SFTPD: variants seen among roughly 807,000 people sequenced by gnomAD.
SFTPD encodes pulmonary surfactant-associated protein D.
In SFTPD, 18 loss-of-function variants were observed where a neutral mutation model predicts 34.6. That is an observed-to-expected ratio of 0.52 (90% CI 0.36 to 0.77). The LOEUF is 0.77. Ranked by LOEUF, SFTPD falls within the 30% of genes least tolerant of loss-of-function variation. The pLI is 0.00. For missense variants in SFTPD, 433 were observed against 468.9 expected, an observed-to-expected ratio of 0.92 and a Z score of 0.71; for synonymous variants, 155 against 180.9, an observed-to-expected ratio of 0.86 and a Z score of 1.15.
intron 1 of SFTPD, among the ~76,000 whole-genome samples, chr10:79,964,385 T>C (rs900521194): frequency 6.6e-6 from 1 of 152,222 alleles, no homozygotes; most frequent in Non-Finnish European, 1.5e-5. Flanking sequence ...GCAGCACTTA[T>C]ACTGATAAGG....
intron 4 of SFTPD, 115 bp from the exon 5 acceptor site, chr10:79,942,185 G>T (rs1217968973): frequency 1.0e-5 from 8 of 802,336 alleles, no homozygotes; most frequent in Non-Finnish European, 1.6e-5. Context: ...GAAGTGGGGA[G>T]ACTCTCCTTG....
At chr10:79,941,103 C>T (rs1355241331) in intron 6 of SFTPD, among the ~76,000 whole-genome samples, 1 of 152,170 alleles carries the variant, frequency 6.6e-6, no homozygotes, top group Non-Finnish European at 1.5e-5. Context: ...CATGTGTTTC[C>T]TATCCACTGG....
intron 1 of SFTPD, chr10:79,968,833 T>C (rs1466013153): frequency 6.6e-6 from 1 of 152,144 alleles, no homozygotes; most frequent in Non-Finnish European, 1.5e-5. Flanking sequence ...CTTCCCGACA[T>C]CATATTTTTT....
intron 1 of SFTPD, among the ~76,000 whole-genome samples, chr10:79,963,167 A>G (rs1317148151): frequency 6.6e-6 from 1 of 152,036 alleles, no homozygotes; most frequent in Non-Finnish European, 1.5e-5. Context: ...ACATAGAGAG[A>G]CCTTGTCTCT....
intron 1 of SFTPD, among the ~76,000 whole-genome samples, chr10:79,947,856 A>C (rs1418906830): frequency 6.6e-6 from 1 of 152,188 alleles, no homozygotes; most frequent in African/African-American, 2.4e-5. Flanking sequence ...CTGGGACATT[A>C]ACTGTTTTGG....
Position 79,942,770 on chromosome 10 carries a change from C to A in SFTPD, c.309G>T (p.Gly103=). The A allele has an allele frequency of 6.2e-7, 1 of 1,604,124 alleles. No individual in the cohort carries two copies. Among genetic ancestry groups the A allele is most frequent in the Non-Finnish European group, 8.5e-7 (1 of 1,170,874 alleles). ...CGACACCCAGTTGCTCACCACTTGG[C>A]CCAGTGTCTCCCTTTGGTCCAGGTT... The part of the protein sequence containing the change: ...VGEPGPKGDT[G]PSGPPGPPGV... Residue 103 remains glycine, a synonymous_variant, in exon 3 of 8, where the codon GGG becomes GGT. Coordinates refer to ENST00000372292, the MANE Select transcript of SFTPD (RefSeq NM_003019.5).
chr10:79,960,742 G>T (rs1314228784), intron 1 of SFTPD, among the ~76,000 whole-genome samples: 2 of 152,184 alleles, frequency 1.3e-5, no homozygotes, highest in South Asian at 2.1e-4. Flanking sequence ...ATAGATTCAA[G>T]GCCATCCCCA....
At chr10:79,979,105 T>C (rs1190345869) in intron 1 of SFTPD, among the ~76,000 whole-genome samples, 1 of 151,778 alleles carries the variant, frequency 6.6e-6, no homozygotes, top group African/African-American at 2.4e-5. Flanking sequence ...AGCATCAAAA[T>C]GTTAAACTAT....
chr10:79,946,308 T>G (rs1842663583), intron 2 of SFTPD, among the ~76,000 whole-genome samples, 153 bp downstream of exon 2: 1 of 152,130 alleles, frequency 6.6e-6, no homozygotes, highest in Non-Finnish European at 1.5e-5. Flanking sequence ...CAGCCACTTG[T>G]TTGCCAGCTG....
At chr10:79,962,610 C>T (rs1842780177) in intron 1 of SFTPD, among the ~76,000 whole-genome samples, 1 of 152,100 alleles carries the variant, frequency 6.6e-6, no homozygotes, top group Admixed American at 6.6e-5. Context: ...TCCTCCACAA[C>T]CAAGTAACAT....
At chr10:79,965,539 C>CTTTTTTTTTTTTTTTATTTTTTTTTTTT (rs149878455) in intron 1 of SFTPD, among the ~76,000 whole-genome samples, 1 of 113,476 alleles carries the variant, frequency 8.8e-6, no homozygotes, top group Non-Finnish European at 1.7e-5. Flanking sequence ...TTTTATTTTT[C>CTTTTTTTTTTTTTTTATTTTTTTTTTTT]TTTTTTTTTT....
intron 1 of SFTPD, among the ~76,000 whole-genome samples, chr10:79,947,582 C>T (rs979587522): frequency 5.9e-5 from 9 of 152,014 alleles, no homozygotes; most frequent in African/African-American, 1.9e-4. Context: ...CCCAGCTACT[C>T]GGGAGGCTGA....
intron 1 of SFTPD, among the ~76,000 whole-genome samples, chr10:79,948,188 C>T (rs2132504012): frequency 6.6e-6 from 1 of 152,360 alleles, no homozygotes; most frequent in South Asian, 2.1e-4. Flanking sequence ...TACACCTGTT[C>T]TGGCAGAGGC....
chr10:79,960,066 G>T (rs1842763243), intron 1 of SFTPD, among the ~76,000 whole-genome samples: 1 of 151,936 alleles, frequency 6.6e-6, no homozygotes, highest in African/African-American at 2.4e-5. Flanking sequence ...CTCAATAGAT[G>T]CAGAAAAGGC....
At chr10:79,956,724 G>T (rs1000316962) in intron 1 of SFTPD, among the ~76,000 whole-genome samples, 5 of 152,140 alleles carry the variant, frequency 3.3e-5, no homozygotes, top group African/African-American at 1.2e-4. Flanking sequence ...ACCTCTGGGG[G>T]CAGGGCACAG....
intron 1 of SFTPD, among the ~76,000 whole-genome samples, chr10:79,956,549 ATTGC>A (rs1842740162): frequency 6.6e-6 from 1 of 152,246 alleles, no homozygotes; most frequent in Non-Finnish European, 1.5e-5. Context: ...AGTCTCGCTG[ATTGC>A]TAGCACAGCA....
At chr10:79,957,199 GA>G (rs1475232699) in intron 1 of SFTPD, among the ~76,000 whole-genome samples, 1 of 152,106 alleles carries the variant, frequency 6.6e-6, no homozygotes, top group African/African-American at 2.4e-5. Context: ...CAAAGATGGG[GA>G]AAAAACAGAG....
At position 79,942,082 on chromosome 10, in the gene SFTPD, A is replaced by G. The variant is rs756764425; in HGVS notation, c.434-12T>C. 25 of 1,574,370 alleles carry G rather than the reference A, an allele frequency of 1.6e-5. No individual in the cohort carries two copies. Among genetic ancestry groups the G allele is most frequent in the Non-Finnish European group, 2.1e-5 (24 of 1,145,912 alleles). ...GGCACCTACTTCTCCTGAAGAAGGA[A>G]CACACAGGAACAAACACAGCTAAGA... On this transcript the variant is annotated splice_polypyrimidine_tract_variant and intron_variant, in intron 4 of 7. Transcript: ENST00000372292.
intron 1 of SFTPD, among the ~76,000 whole-genome samples, chr10:79,977,804 C>A (rs1374369532): frequency 6.8e-6 from 1 of 148,006 alleles, no homozygotes; most frequent in African/African-American, 2.5e-5. Flanking sequence ...TTTTTCCTTT[C>A]TTTTCCACCT....
Sources: gnomAD v4.1 joint callset for allele counts (sites outside exome capture counted in the v4.1 genomes callset) on GRCh38, gnomAD v4.1.1 for gene constraint, MANE v1.5 for transcripts, NCBI Gene and HGNC (gene_info 2026-07-23, HGNC 2026-07-21) for gene names.